The following ARID4B variants were observed in gnomAD, a reference collection of about 807,000 sequenced individuals.
ARID4B encodes AT-rich interactive domain-containing protein 4B.
ARID4B carries 26 observed loss-of-function variants against 147.5 expected under a neutral mutation model. The observed-to-expected ratio is 0.18, with a 90% CI of 0.13 to 0.24. The LOEUF is 0.24. Among genes scored for constraint, ARID4B ranks in the 10% least tolerant of loss-of-function variants. The pLI is 1.00. For synonymous variants in ARID4B, 512 were observed against 507.9 expected (o/e 1.01, Z -0.11); for missense variants, 1,179 against 1,511.5 (o/e 0.78, Z 3.65).
At chr1:235,216,324 CACACACACAT>C (rs1460887265) in intron 16 of ARID4B, among the ~76,000 whole-genome samples, 1 of 148,434 alleles carries the variant, frequency 6.7e-6, no homozygotes, top group African/African-American at 2.5e-5. Flanking sequence ...CACACACACA[CACACACACAT>C]ATATACGTGT....
chr1:235,198,738 T>A (rs187474339), intron 17 of ARID4B, among the ~76,000 whole-genome samples: 1 of 152,222 alleles, frequency 6.6e-6, no homozygotes, highest in Non-Finnish European at 1.5e-5. Flanking sequence ...TTAAATTAGA[T>A]GAAACAAACT....
intron 5 of ARID4B, among the ~76,000 whole-genome samples, chr1:235,255,232 T>TAGAC (rs1572087985): frequency 1.0e-5 from 1 of 98,236 alleles, no homozygotes; most frequent in African/African-American, 3.6e-5. Flanking sequence ...GATAGATAGA[T>TAGAC]AGATAGATAG....
intron 2 of ARID4B, among the ~76,000 whole-genome samples, chr1:235,271,289 T>C (rs979722075): frequency 6.6e-6 from 1 of 152,104 alleles, no homozygotes; most frequent in Non-Finnish European, 1.5e-5. Context: ...CAGGAGGTTG[T>C]GGCCGCAGTG....
intron 23 of ARID4B, 123 bp from the exon 24 acceptor site, chr1:235,168,775 A>C: frequency 2.0e-6 from 2 of 1,003,876 alleles, no homozygotes; most frequent in East Asian, 2.7e-5. Flanking sequence ...GCTTACAACA[A>C]CAGTGGTCAA....
At chr1:235,200,804 A>C (rs1665861720) in intron 17 of ARID4B, among the ~76,000 whole-genome samples, 1 of 152,234 alleles carries the variant, frequency 6.6e-6, no homozygotes, top group South Asian at 2.1e-4. Context: ...ATGCAGATAG[A>C]AAATGGGAAA....
In ARID4B at chr1:235,182,580, T is replaced by C; in HGVS notation, c.2339A>G (p.Glu780Gly). 6.2e-7 allele frequency: 1 copy of C among 1,612,462 alleles called. No homozygotes were observed. The highest frequency in any genetic ancestry group is 8.5e-7 in the Non-Finnish European group (1 of 1,179,660). ...TACTTCTATATCTTTCCTTAATCTT[T>C]CTGGAGATTTTGACACTGGTTTGGA... ...VISKPVSKSP[E>G]RLRKDIEVLS... The change falls in exon 20 of 24, where the codon GAA (glutamate) becomes GGA (glycine). Residue 780 changes from glutamate (E) to glycine (G), a missense_variant. By Grantham distance (98) the Glu-to-Gly change is moderately conservative. Transcript: ENST00000264183.
rs951704678 is a variant in ARID4B at position 235,255,614 on chromosome 1, T to C, written c.274+46A>G. The C allele has an allele frequency of 3.2e-6, 4 of 1,250,080 alleles. No homozygotes were observed. In the African/African-American group the frequency reaches 4.6e-5, roughly 14 times the overall value. The allele number at this position is 1,250,080 out of a possible 1,614,324, so 77.4% of individuals were successfully genotyped here. ...TCATTTTATTTGTATTAAGTTTTCTTTGTGTAACTAAAAACACATTTTTAA... is the reference window on the plus strand; with the variant it reads ...TCATTTTATTTGTATTAAGTTTTCTCTGTGTAACTAAAAACACATTTTTAA... On this transcript the variant is annotated intron_variant, in intron 5 of 23. Coordinates refer to ENST00000264183, the MANE Select transcript of ARID4B (RefSeq NM_016374.6).
chr1:235,186,205 G>A (rs1281257726), intron 19 of ARID4B, among the ~76,000 whole-genome samples: 1 of 152,056 alleles, frequency 6.6e-6, no homozygotes, highest in Non-Finnish European at 1.5e-5. Flanking sequence ...CTGACCTCGT[G>A]ATCCGCCCAC....
At chr1:235,267,281 A>G (rs1670666037) in intron 2 of ARID4B, among the ~76,000 whole-genome samples, 1 of 152,244 alleles carries the variant, frequency 6.6e-6, no homozygotes, top group African/African-American at 2.4e-5. Flanking sequence ...CTGTCAAAAA[A>G]CAAAACAAAA....
At chr1:235,287,279 T>G (rs559551356) in intron 2 of ARID4B, among the ~76,000 whole-genome samples, 1 of 151,700 alleles carries the variant, frequency 6.6e-6, no homozygotes, top group African/African-American at 2.4e-5. Context: ...AATTTTTTTT[T>G]TTTACCTTTT....
intron 2 of ARID4B, among the ~76,000 whole-genome samples, chr1:235,281,155 C>A (rs1671647657): frequency 6.7e-6 from 1 of 150,144 alleles, no homozygotes; most frequent in Admixed American, 6.6e-5. Flanking sequence ...GGTGCGATGG[C>A]TCAGCCTATA....
intron 2 of ARID4B, among the ~76,000 whole-genome samples, chr1:235,263,109 G>A (rs888913532): frequency 6.6e-6 from 1 of 152,070 alleles, no homozygotes; most frequent in African/African-American, 2.4e-5. Flanking sequence ...TCCACAATTT[G>A]CAACCTCCTC....
intron 20 of ARID4B, chr1:235,180,088 A>G (rs1159513457): frequency 1.3e-5 from 2 of 149,302 alleles, no homozygotes; most frequent in African/African-American, 4.9e-5. Context: ...AACCCCCAAG[A>G]AAACCTATAA....
chr1:235,282,231 T>C (rs911726416), intron 2 of ARID4B, among the ~76,000 whole-genome samples: 11 of 152,202 alleles, frequency 7.2e-5, no homozygotes, highest in Non-Finnish European at 1.5e-5. Context: ...TACAGTTTTG[T>C]TTAATTATAT....
chr1:235,201,612 C>T (rs1665926449), intron 17 of ARID4B, among the ~76,000 whole-genome samples: 1 of 152,222 alleles, frequency 6.6e-6, no homozygotes, highest in South Asian at 2.1e-4. Flanking sequence ...GTGTGAGCCA[C>T]CGCATCTGGC....
chr1:235,246,627 G>T, intron 6 of ARID4B, 116 bp from the exon 7 acceptor site: 1 of 674,166 alleles, frequency 1.5e-6, no homozygotes, highest in Non-Finnish European at 2.5e-6. Flanking sequence ...TCTCCCCCCA[G>T]GGAAGCTAAA....
intron 17 of ARID4B, among the ~76,000 whole-genome samples, chr1:235,202,553 A>AT (rs1484552137): frequency 0.04 from 5,945 of 147,304 alleles, 462 homozygotes; most frequent in African/African-American, 0.14. Flanking sequence ...ATGAAAAAAA[A>AT]ATTTTTTTTT....
At chr1:235,213,717 A>T in intron 17 of ARID4B, 52 bp downstream of exon 17, 1 of 1,533,024 alleles carries the variant, frequency 6.5e-7, no homozygotes. Flanking sequence ...TAAATAGAAA[A>T]GTATTTTATA....
rs111585112 is a variant in ARID4B, at chr1:235,236,492, TTGTGTGTGTGTGTGTGTGTGTG to T, written c.586-2022_586-2001del. ...ATTGAGAAAAAGACTTACAAAACAG[TTGTGTGTGTGTGTGTGTGTGTG>T]TGTGTGTGTGTGTGTTTGAGATGGG... On this transcript the variant is annotated intron_variant, in intron 8 of 23. Coordinates refer to ENST00000264183, the MANE Select transcript of ARID4B (RefSeq NM_016374.6). Among the ~76,000 whole-genome samples, 240 of 147,156 alleles carry T rather than the reference TTGTGTGTGTGTGTGTGTGTGTG, an allele frequency of 1.6e-3. 6 individuals carry two copies. Among genetic ancestry groups the T allele is most frequent in the African/African-American group, 4.3e-3 (170 of 39,748 alleles).
Sources: gnomAD v4.1 joint callset for allele counts (sites outside exome capture counted in the v4.1 genomes callset) on GRCh38, gnomAD v4.1.1 for gene constraint, MANE v1.5 for transcripts, NCBI Gene and HGNC (gene_info 2026-07-23, HGNC 2026-07-21) for gene names.